FBXL13: variants seen among roughly 807,000 people sequenced by gnomAD.
FBXL13 encodes F-box and leucine-rich repeat protein 13.
FBXL13 carries 67 observed loss-of-function variants against 83.6 expected under a neutral mutation model. That is an observed-to-expected ratio of 0.80 (90% confidence interval 0.66 to 0.98). The LOEUF is 0.98. Among genes scored for constraint, FBXL13 ranks in the 50% least tolerant of loss-of-function variants. The pLI, the probability that FBXL13 is intolerant of heterozygous loss-of-function variation, is 0.00. For synonymous variants in FBXL13, 272 were observed against 299.5 expected, an observed-to-expected ratio of 0.91 and a Z score of 0.95; for missense variants, 822 against 866.5, an observed-to-expected ratio of 0.95 and a Z score of 0.64.
intron 8 of FBXL13, among the ~76,000 whole-genome samples, chr7:102,952,984 AAAACAAAC>A (rs113046740): frequency 2.0e-5 from 3 of 152,064 alleles, no homozygotes; most frequent in Non-Finnish European, 2.9e-5. Context: ...ACTCCATCTC[AAAACAAAC>A]AAACAAACAA....
At chr7:102,928,186 G>A (rs1035747712) in intron 9 of FBXL13, among the ~76,000 whole-genome samples, 3 of 152,134 alleles carry the variant, frequency 2.0e-5, no homozygotes, top group Non-Finnish European at 4.4e-5. Flanking sequence ...ATTGAGATGA[G>A]GAGGTAATGC....
intron 1 of FBXL13, among the ~76,000 whole-genome samples, chr7:103,059,963 C>T (rs1390457326): frequency 8.9e-5 from 12 of 135,160 alleles, no homozygotes; most frequent in African/African-American, 3.3e-4. Context: ...TTAAAAACTG[C>T]TTTGAATAGT....
intron 14 of FBXL13, among the ~76,000 whole-genome samples, chr7:102,880,800 A>C (rs894006313): frequency 6.6e-6 from 1 of 152,200 alleles, no homozygotes; most frequent in African/African-American, 2.4e-5. Flanking sequence ...CCTACCTGAG[A>C]CCACTCTGCC....
rs1052553046 is a variant in FBXL13, at chr7:102,996,509, T to C, written c.496-28392A>G. ...CAAGGAAAAATGCCCTTTTAGATAC[T>C]GATGACTGGTAGTTCAAATCCACAT... On this transcript the variant is annotated intron_variant, in intron 6 of 19. Transcript: ENST00000313221. Among the ~76,000 whole-genome samples, 25 of 152,236 alleles carry C rather than the reference T, an allele frequency of 1.6e-4. No homozygotes were observed. In the East Asian group the frequency reaches 2.1e-3, roughly 13 times the overall value.
chr7:103,023,104 G>A (rs547638440), intron 6 of FBXL13, among the ~76,000 whole-genome samples: 8 of 152,130 alleles, frequency 5.3e-5, no homozygotes, highest in South Asian at 4.2e-4. Context: ...GTGAAACCCC[G>A]CCTCTACTAA....
In FBXL13 at chr7:103,027,405, C is replaced by G. The variant is rs181723722; in HGVS notation, c.327+44G>C. 1.0e-5 allele frequency: 14 copies of G among 1,365,714 alleles called. No homozygotes were observed. In the African/African-American group the frequency reaches 1.9e-4, roughly 18 times the overall value. The allele number at this position is 1,365,714 out of a possible 1,614,324, so 84.6% of individuals were successfully genotyped here. A position where few individuals can be genotyped will look rare whatever the true frequency, so the allele number is the denominator to read the frequency against. ...ACTATTTGAGGCAACATGAATATAA[C>G]TGAAACATTCGGATTCTTAAAAAAT... On this transcript the variant is annotated intron_variant, in intron 5 of 19. Transcript: ENST00000313221.
chr7:102,815,874 T>G (rs968783731), intron 19 of FBXL13, among the ~76,000 whole-genome samples: 12 of 152,032 alleles, frequency 7.9e-5, no homozygotes, highest in African/African-American at 2.9e-4. Context: ...ATAAAACAAT[T>G]AGCAAGTAGT....
chr7:102,948,726 T>G (rs1179165082), intron 8 of FBXL13, among the ~76,000 whole-genome samples: 1 of 150,772 alleles, frequency 6.6e-6, no homozygotes, highest in Non-Finnish European at 1.5e-5. Flanking sequence ...CCAGCCTTTT[T>G]TTTTTGACAC....
intron 6 of FBXL13, among the ~76,000 whole-genome samples, chr7:103,019,698 C>T (rs541856236): frequency 1.3e-5 from 2 of 152,292 alleles, no homozygotes; most frequent in African/African-American, 4.8e-5. Flanking sequence ...ATAAACACCT[C>T]TATGCAAATA....
At chr7:102,842,255 C>T (rs1382032540) in intron 17 of FBXL13, among the ~76,000 whole-genome samples, 3 of 152,196 alleles carry the variant, frequency 2.0e-5, no homozygotes, top group African/African-American at 7.2e-5. Context: ...GAACCATAAA[C>T]ACAACTTGTA....
At position 102,913,159 on chromosome 7, in the gene FBXL13, TTGTC is replaced by T; in HGVS notation, c.931_934del (p.Asp311LysfsTer6). On this transcript the variant is annotated frameshift_variant, in exon 11 of 20. Coordinates refer to ENST00000313221, the Ensembl canonical transcript of FBXL13. LOFTEE classifies it high-confidence loss of function. Reference sequence around the variant, plus strand: ...CCCCAAGTTCAGGTACTGTAAGCCTTTGTCTGTGAACCGTCTGCAATAAGCCAAA... The same window carrying T: ...CCCCAAGTTCAGGTACTGTAAGCCTTTGTGAACCGTCTGCAATAAGCCAAA... 9 of 1,614,120 alleles carry T rather than the reference TTGTC, an allele frequency of 5.6e-6. No homozygotes were observed. Among genetic ancestry groups the T allele is most frequent in the South Asian group, 1.1e-5 (1 of 91,072 alleles).
intron 6 of FBXL13, among the ~76,000 whole-genome samples, chr7:103,015,002 T>C (rs1183695929): frequency 1.3e-5 from 2 of 149,210 alleles, no homozygotes; most frequent in Non-Finnish European, 3.0e-5. Context: ...TCCACCATGG[T>C]CAAGTAGGCT....
chr7:102,984,823 G>A (rs575168524), intron 6 of FBXL13, among the ~76,000 whole-genome samples: 1 of 152,048 alleles, frequency 6.6e-6, no homozygotes, highest in South Asian at 2.1e-4. Flanking sequence ...GTTCTATCTG[G>A]GTTAGGGTTG....
intron 8 of FBXL13, among the ~76,000 whole-genome samples, chr7:102,932,839 A>T (rs899013349): frequency 2.6e-5 from 4 of 152,048 alleles, no homozygotes; most frequent in African/African-American, 9.7e-5. Context: ...AAGAGATCTG[A>T]CTGCCTCAGC....
chr7:102,919,941 T>C (rs906217266), intron 10 of FBXL13, among the ~76,000 whole-genome samples: 19 of 152,256 alleles, frequency 1.2e-4, no homozygotes, highest in African/African-American at 4.3e-4. Context: ...ATACTCATTA[T>C]AAATATAATT....
intron 6 of FBXL13, among the ~76,000 whole-genome samples, chr7:102,977,480 C>G (rs1484952631): frequency 6.6e-6 from 1 of 152,164 alleles, no homozygotes; most frequent in Non-Finnish European, 1.5e-5. Context: ...CAGTCCAAAC[C>G]TGGAAAGGAT....
intron 3 of FBXL13, 84 bp downstream of exon 4, chr7:103,029,267 G>T: frequency 1.3e-6 from 1 of 769,656 alleles, no homozygotes; most frequent in Non-Finnish European, 2.1e-6. Context: ...CAGCACAACT[G>T]GCCAAAAGTG....
chr7:102,903,939 CTTTT>C (rs1166655004), intron 11 of FBXL13, among the ~76,000 whole-genome samples: 11 of 43,456 alleles, frequency 2.5e-4, no homozygotes, highest in East Asian at 2.6e-3. Context: ...CTTTTCTTTT[CTTTT>C]TTTTTTTTTT....
Position 102,913,066 on chromosome 7 carries a change from G to A in FBXL13, c.1008+20C>T, listed in dbSNP as rs1369511553. On this transcript the variant is annotated intron_variant, in intron 11 of 19. Transcript: ENST00000313221. Reference sequence around the variant, plus strand: ...GAACTTCCTCACACACCGCAGCAAAGAGAAGACTGAAAGACAAACCTGGGT... The same window carrying A: ...GAACTTCCTCACACACCGCAGCAAAAAGAAGACTGAAAGACAAACCTGGGT... The A allele has an allele frequency of 1.9e-6, 3 of 1,614,064 alleles. No individual in the cohort carries two copies. The highest frequency in any genetic ancestry group is 1.7e-6 in the Non-Finnish European group (2 of 1,179,966).
Sources: gnomAD v4.1 joint callset for allele counts (sites outside exome capture counted in the v4.1 genomes callset) on GRCh38, gnomAD v4.1.1 for gene constraint, MANE v1.5 for transcripts, NCBI Gene and HGNC (gene_info 2026-07-23, HGNC 2026-07-21) for gene names.